The following EYA4 variants were observed in gnomAD, a reference collection of about 807,000 sequenced individuals.
EYA4 encodes protein phosphatase EYA4.
EYA4 carries 31 observed loss-of-function variants against 87.9 expected under a neutral mutation model. The ratio of observed to expected loss-of-function variants is 0.35; its 90% CI spans 0.27 to 0.48. The LOEUF is 0.48. Among genes scored for constraint, EYA4 ranks in the 20% least tolerant of loss-of-function variants. The pLI, the probability that EYA4 is intolerant of heterozygous loss-of-function variation, is 0.99. For synonymous variants in EYA4, 263 were observed against 270.6 expected (o/e 0.97, Z 0.28); for missense variants, 678 against 761.4 (o/e 0.89, Z 1.29).
chr6:133,309,749 C>A (rs1780075958), intron 2 of EYA4, among the ~76,000 whole-genome samples: 1 of 152,118 alleles, frequency 6.6e-6, no homozygotes, highest in Non-Finnish European at 1.5e-5. Flanking sequence ...TTCTCTGGCA[C>A]AAGGAAGGCA....
At chr6:133,524,025 TC>T (rs949135888) in intron 18 of EYA4, among the ~76,000 whole-genome samples, 5 of 152,114 alleles carry the variant, frequency 3.3e-5, no homozygotes, top group Non-Finnish European at 7.3e-5. Flanking sequence ...AAAAGGAGCC[TC>T]CAGTGGCAGC....
intron 2 of EYA4, among the ~76,000 whole-genome samples, chr6:133,314,349 G>C (rs781675023): frequency 6.6e-6 from 1 of 152,108 alleles, no homozygotes; most frequent in Non-Finnish European, 1.5e-5. Flanking sequence ...ATTTGATTTA[G>C]AAAGACCATT....
At chr6:133,500,894 C>A (rs1038108030) in intron 13 of EYA4, among the ~76,000 whole-genome samples, 1 of 152,198 alleles carries the variant, frequency 6.6e-6, no homozygotes, top group African/African-American at 2.4e-5. Flanking sequence ...TAACATGACA[C>A]TTGCCAAGTC....
At chr6:133,500,822 T>C (rs976112815) in intron 13 of EYA4, among the ~76,000 whole-genome samples, 3 of 152,176 alleles carry the variant, frequency 2.0e-5, no homozygotes, top group African/African-American at 7.2e-5. Flanking sequence ...TTAGAAGAGC[T>C]TCTTGAGCCC....
At chr6:133,481,859 A>G (rs1450818574) in intron 12 of EYA4, among the ~76,000 whole-genome samples, 1 of 152,208 alleles carries the variant, frequency 6.6e-6, no homozygotes, top group Admixed American at 6.5e-5. Context: ...GCAAGTTTTG[A>G]TCTAAATTGG....
intron 2 of EYA4, among the ~76,000 whole-genome samples, chr6:133,339,376 T>G (rs1322929462): frequency 1.3e-5 from 2 of 152,290 alleles, no homozygotes; most frequent in Non-Finnish European, 2.9e-5. Flanking sequence ...CTGTTTGCCT[T>G]TAAAGACCAG....
chr6:133,364,484 G>A (rs761685602), intron 2 of EYA4, among the ~76,000 whole-genome samples: 8 of 152,134 alleles, frequency 5.3e-5, no homozygotes, highest in African/African-American at 1.2e-4. Context: ...TTCTGATATC[G>A]AGGTGACTGG....
At chr6:133,328,860 A>C (rs960083631) in intron 2 of EYA4, among the ~76,000 whole-genome samples, 1 of 152,170 alleles carries the variant, frequency 6.6e-6, no homozygotes, top group Non-Finnish European at 1.5e-5. Flanking sequence ...TCTGGCTTAT[A>C]AAAATGGTAC....
chr6:133,288,192 T>A (rs1236796003), intron 2 of EYA4, among the ~76,000 whole-genome samples: 3 of 152,200 alleles, frequency 2.0e-5, no homozygotes, highest in African/African-American at 7.2e-5. Context: ...AAAACAGCTG[T>A]AGACATTAAG....
At chr6:133,341,715 A>G (rs1782794503) in intron 2 of EYA4, among the ~76,000 whole-genome samples, 1 of 152,116 alleles carries the variant, frequency 6.6e-6, no homozygotes, top group Non-Finnish European at 1.5e-5. Flanking sequence ...GGATTTCTAG[A>G]TAAGCAGGAC....
chr6:133,387,041 CTT>C, intron 3 of EYA4, among the ~76,000 whole-genome samples: 1 of 152,242 alleles, frequency 6.6e-6, no homozygotes, highest in East Asian at 1.9e-4. Flanking sequence ...GGCAAAATGA[CTT>C]TCCGTTTTTT....
intron 2 of EYA4, among the ~76,000 whole-genome samples, chr6:133,367,127 CT>C (rs1784909525): frequency 6.6e-6 from 1 of 152,298 alleles, no homozygotes; most frequent in Admixed American, 6.5e-5. Context: ...TACTAAACTG[CT>C]CACCAAGTGC....
intron 2 of EYA4, among the ~76,000 whole-genome samples, chr6:133,370,661 C>T (rs1785197819): frequency 6.6e-6 from 1 of 152,166 alleles, no homozygotes; most frequent in African/African-American, 2.4e-5. Context: ...ACTTTGTTTT[C>T]CCCTAATAGT....
At chr6:133,398,848 C>A (rs1464666123) in intron 3 of EYA4, among the ~76,000 whole-genome samples, 1 of 152,034 alleles carries the variant, frequency 6.6e-6, no homozygotes, top group Non-Finnish European at 1.5e-5. Flanking sequence ...AAAACCTTGT[C>A]CCCAAATAAA....
intron 2 of EYA4, among the ~76,000 whole-genome samples, chr6:133,336,199 A>G (rs189833960): frequency 1.3e-5 from 2 of 152,186 alleles, no homozygotes; most frequent in Non-Finnish European, 2.9e-5. Flanking sequence ...TTTTTGGGGA[A>G]TAATATAGTC....
At chr6:133,324,995 C>T (rs1781389109) in intron 2 of EYA4, among the ~76,000 whole-genome samples, 1 of 148,424 alleles carries the variant, frequency 6.7e-6, no homozygotes, top group South Asian at 2.1e-4. Context: ...ACTGCAAGCT[C>T]CACCTCCTGG....
chr6:133,260,665 G>A (rs1383113402), intron 1 of EYA4, among the ~76,000 whole-genome samples: 1 of 151,916 alleles, frequency 6.6e-6, no homozygotes, highest in Non-Finnish European at 1.5e-5. Flanking sequence ...TTATTTTTTT[G>A]TCTTGAGGTT....
chr6:133,262,287 A>G (rs1775860079), intron 1 of EYA4, among the ~76,000 whole-genome samples: 1 of 152,258 alleles, frequency 6.6e-6, no homozygotes, highest in Non-Finnish European at 1.5e-5. Flanking sequence ...AAGGCTTCAA[A>G]TATATTCTCT....
intron 3 of EYA4, among the ~76,000 whole-genome samples, chr6:133,439,049 CAAAAAA>C (rs56261819): frequency 9.4e-4 from 60 of 64,026 alleles, no homozygotes; most frequent in Admixed American, 1.6e-3. Context: ...GACTCCGTCT[CAAAAAA>C]AAAAAAAAAA....
Sources: gnomAD v4.1 joint callset for allele counts (sites outside exome capture counted in the v4.1 genomes callset) on GRCh38, gnomAD v4.1.1 for gene constraint, MANE v1.5 for transcripts, NCBI Gene and HGNC (gene_info 2026-07-23, HGNC 2026-07-21) for gene names.